UBR2: variants seen among roughly 807,000 people sequenced by gnomAD.
The protein encoded by UBR2 is ubiquitin protein ligase E3 component n-recognin 2.
UBR2 carries 92 observed loss-of-function variants against 247.9 expected under a neutral mutation model. The observed-to-expected ratio is 0.37, with a 90% CI of 0.31 to 0.44. The LOEUF (loss-of-function observed/expected upper bound fraction) is 0.44. Among genes scored for constraint, UBR2 ranks in the 20% least tolerant of loss-of-function variants. The pLI is 1.00. For missense variants in UBR2, 1,613 were observed against 2,112.6 expected (o/e 0.76, Z 4.64); for synonymous variants, 672 against 693.5 (o/e 0.97, Z 0.49).
At position 42,614,240 on chromosome 6, in the gene UBR2, A is replaced by AGTG. The variant is rs1562311113; in HGVS notation, c.986-831_986-830insGTG. Among the ~76,000 whole-genome samples the AGTG allele has an allele frequency of 1.4e-3, 57 of 40,328 alleles. 7 individuals carry two copies. Among genetic ancestry groups the AGTG allele is most frequent in the African/African-American group, 4.3e-3 (55 of 12,662 alleles). The allele number at this position is 40,328 out of a possible 152,430, so 26.5% of individuals were successfully genotyped here. On this transcript the variant is annotated intron_variant, in intron 8 of 46. Coordinates refer to ENST00000372901, the MANE Select transcript of UBR2 (RefSeq NM_001363705.2). ...TATACACACACACACACACACACACACACACGCGCGCACATATATATACAC... is the reference window on the plus strand; with the variant it reads ...TATACACACACACACACACACACACAGTGCACACGCGCGCACATATATATACAC...
At chr6:42,654,346 C>T (rs1797308892) in intron 25 of UBR2, among the ~76,000 whole-genome samples, 1 of 152,076 alleles carries the variant, frequency 6.6e-6, no homozygotes, top group Non-Finnish European at 1.5e-5. Flanking sequence ...CTTTATGTCA[C>T]CTAGTTCTTC....
At chr6:42,645,187 CCA>C (rs901940335) in intron 20 of UBR2, among the ~76,000 whole-genome samples, 1 of 151,984 alleles carries the variant, frequency 6.6e-6, no homozygotes, top group African/African-American at 2.4e-5. Flanking sequence ...GTTTCCTTGA[CCA>C]CATTTAATCC....
intron 32 of UBR2, chr6:42,664,210 G>A (rs1797982085): frequency 6.6e-6 from 1 of 152,102 alleles, no homozygotes; most frequent in South Asian, 2.1e-4. Context: ...ATAAAGAGAA[G>A]ATAAGCATGG....
At chr6:42,584,098 A>G (rs111238772) in intron 2 of UBR2, among the ~76,000 whole-genome samples, 3,294 of 150,292 alleles carry the variant, frequency 0.022, 105 homozygotes, top group African/African-American at 0.075. Flanking sequence ...ACTGGGTTCG[A>G]GCAATTCTCC....
intron 14 of UBR2, among the ~76,000 whole-genome samples, chr6:42,636,182 GTT>G (rs5875814): frequency 3.0e-4 from 33 of 109,826 alleles, no homozygotes; most frequent in Admixed American, 4.7e-4. Context: ...TTTTTTTTTT[GTT>G]TTTTTTTTTT....
chr6:42,653,447 C>T (rs1562362663), intron 25 of UBR2, among the ~76,000 whole-genome samples: 1 of 151,978 alleles, frequency 6.6e-6, no homozygotes, highest in Non-Finnish European at 1.5e-5. Context: ...ATTGAATTCA[C>T]ACAACACCCC....
chr6:42,663,138 GTTTAAGAT>G, intron 31 of UBR2, 112 bp from the exon 32 acceptor site: 2 of 821,540 alleles, frequency 2.4e-6, no homozygotes, highest in Non-Finnish European at 3.4e-6. Context: ...AAATAATTTA[GTTTAAGAT>G]TTTCATTTTT....
At chr6:42,572,778 A>G (rs186248187) in intron 1 of UBR2, among the ~76,000 whole-genome samples, 4 of 150,572 alleles carry the variant, frequency 2.7e-5, no homozygotes, top group Non-Finnish European at 5.9e-5. Context: ...ATCTTGGCTC[A>G]CTACAACCTC....
chr6:42,642,679 G>A (rs1040108069), intron 18 of UBR2, among the ~76,000 whole-genome samples, 198 bp downstream of exon 18: 12 of 152,100 alleles, frequency 7.9e-5, no homozygotes, highest in African/African-American at 1.7e-4. Flanking sequence ...CATATTAAAC[G>A]TATTCAGAAT....
intron 13 of UBR2, among the ~76,000 whole-genome samples, chr6:42,633,520 AGCTG>A (rs1426047469): frequency 6.6e-6 from 1 of 152,042 alleles, no homozygotes; most frequent in Non-Finnish European, 1.5e-5. Flanking sequence ...CCTCTCAAAC[AGCTG>A]GAATTACAGG....
At chr6:42,568,354 A>G (rs890593773) in intron 1 of UBR2, among the ~76,000 whole-genome samples, 2 of 149,718 alleles carry the variant, frequency 1.3e-5, no homozygotes, top group African/African-American at 4.9e-5. Flanking sequence ...AGATTTGCCT[A>G]TTCTGGATAT....
chr6:42,670,848 A>G (rs1798382755), intron 36 of UBR2, 133 bp downstream of exon 36: 2 of 654,138 alleles, frequency 3.1e-6, no homozygotes, highest in Non-Finnish European at 5.1e-6. Context: ...ATTTTCTGTA[A>G]GGATATTAAA....
intron 30 of UBR2, among the ~76,000 whole-genome samples, chr6:42,660,735 G>A (rs975827342): frequency 3.3e-5 from 5 of 152,010 alleles, no homozygotes; most frequent in African/African-American, 7.3e-5. Flanking sequence ...GCCGAGGCAG[G>A]TGGATCACCT....
chr6:42,615,772 G>A lies in UBR2; in HGVS notation c.1094-230G>A, dbSNP rs370821631. 2.6e-5 allele frequency among the ~76,000 whole-genome samples: 4 copies of A among 150,944 alleles called. No homozygotes were observed. The East Asian group carries it at 7.8e-4, about 29-fold the overall frequency. ...GACCCTAAAAAAAAAAAAAAATGCT[G>A]TGTTGGCTGGGCATGGTGGTTCACA... On this transcript the variant is annotated intron_variant, in intron 9 of 46. Transcript: ENST00000372901.
In UBR2 at chr6:42,652,632, C is replaced by T. The variant is rs1797191005; in HGVS notation, c.2756C>T (p.Ser919Phe). ...VEHNGYAWSESMLQRVLHLIG... is the reference protein window; with the variant it reads ...VEHNGYAWSEFMLQRVLHLIG... ...CATAATGGATATGCCTGGTCAGAGT[C>T]CATGCTGCAAAGGGTAGGTTTGAAG... The change falls in exon 25 of 47, where the codon TCC becomes TTC. Residue 919 changes from serine (S) to phenylalanine (F), a missense_variant. By Grantham distance (155) the Ser-to-Phe change is radical. This residue lies in a region of UBR2 where 1,524 missense variants were observed against 1,967.3 expected (regional missense o/e 0.77). Coordinates refer to ENST00000372901, the MANE Select transcript of UBR2 (RefSeq NM_001363705.2). The T allele has an allele frequency of 5.0e-6, 8 of 1,610,706 alleles. No individual in the cohort carries two copies. Among genetic ancestry groups the T allele is most frequent in the South Asian group, 2.2e-5 (2 of 89,780 alleles).
chr6:42,567,265 C>T (rs1381723079), intron 1 of UBR2, among the ~76,000 whole-genome samples: 1 of 152,174 alleles, frequency 6.6e-6, no homozygotes, highest in Non-Finnish European at 1.5e-5. Flanking sequence ...AGTATCTAAG[C>T]TGACTCTTTA....
rs1014779696 is a variant in UBR2, at chr6:42,665,477, C to T, written c.3767C>T (p.Ala1256Val). 6.2e-7 allele frequency: 1 copy of T among 1,612,684 alleles called. No homozygotes were observed. Among genetic ancestry groups the T allele is most frequent in the Non-Finnish European group, 8.5e-7 (1 of 1,179,338 alleles). ...AGAACAATATCTCAGCAAATAAAAG[C>T]ATTACAGTTTCTTAGGAAAGAAGAA... ...WIRTISQQIK[A>V]LQFLRKEEST... Residue 1256 changes from alanine (A) to valine (V), a missense_variant, in exon 33 of 47, where the codon GCA (alanine) becomes GTA (valine). This residue lies in a region of UBR2 where 1,524 missense variants were observed against 1,967.3 expected (regional missense o/e 0.77). Coordinates refer to ENST00000372901, the MANE Select transcript of UBR2 (RefSeq NM_001363705.2).
intron 16 of UBR2, among the ~76,000 whole-genome samples, 180 bp from the exon 17 acceptor site, chr6:42,641,402 C>T (rs917564906): frequency 1.3e-5 from 2 of 151,930 alleles, no homozygotes; most frequent in Non-Finnish European, 2.9e-5. Context: ...AGGCCGAGAT[C>T]GCACCACTGC....
chr6:42,660,390 G>A (rs1047314520), intron 30 of UBR2, among the ~76,000 whole-genome samples: 2 of 152,098 alleles, frequency 1.3e-5, no homozygotes, highest in African/African-American at 4.8e-5. Flanking sequence ...AGGGAGTAAA[G>A]CAGGGAGATC....
Sources: gnomAD v4.1 joint callset for allele counts (sites outside exome capture counted in the v4.1 genomes callset) on GRCh38, gnomAD v4.1.1 for gene constraint, gnomAD v4.1.1 regional missense constraint, MANE v1.5 for transcripts, NCBI Gene and HGNC (gene_info 2026-07-23, HGNC 2026-07-21) for gene names.